Variants in EBF2 observed in about 807,000 individuals in gnomAD.
EBF2 encodes the protein transcription factor COE2.
In EBF2, 21 loss-of-function variants were observed where a neutral mutation model predicts 72.8. The ratio of observed to expected loss-of-function variants is 0.29; its 90% CI spans 0.20 to 0.42. EBF2 has a LOEUF of 0.42. Among genes scored for constraint, EBF2 ranks in the 10% least tolerant of loss-of-function variants. EBF2 has a pLI of 1.00. For synonymous variants in EBF2, 299 were observed against 274.2 expected (o/e 1.09, Z -0.89); for missense variants, 637 against 731.2 (o/e 0.87, Z 1.49).
At chr8:26,035,526 A>T (rs980038188) in intron 5 of EBF2, among the ~76,000 whole-genome samples, 1 of 152,170 alleles carries the variant, frequency 6.6e-6, no homozygotes, top group African/African-American at 2.4e-5. Context: ...AAACAAATAA[A>T]TATCTTAAAA....
chr8:25,908,512 T>C lies in EBF2; in HGVS notation c.595A>G (p.Lys199Glu). 1 of 1,613,884 alleles carries C rather than the reference T, an allele frequency of 6.2e-7. No individual in the cohort carries two copies. Among genetic ancestry groups the C allele is most frequent in the Non-Finnish European group, 8.5e-7 (1 of 1,179,784 alleles). ...ATGTCCCTTGGGTTTCCTGCTGTTT[T>C]CAAACAATTCTGATTGCACTTGAGG... ...FFLKCNQNCLKTAGNPRDMRR... is the reference protein window; with the variant it reads ...FFLKCNQNCLETAGNPRDMRR... Residue 199 changes from lysine (K) to glutamate (E), a missense_variant, in exon 7 of 16, where the codon AAA becomes GAA. This residue lies in a region of EBF2 where 204 missense variants were observed against 301.2 expected (regional missense o/e 0.68). Transcript: ENST00000520164.
chr8:26,037,157 G>C (rs1805516710), intron 5 of EBF2, among the ~76,000 whole-genome samples: 1 of 152,052 alleles, frequency 6.6e-6, no homozygotes, highest in Non-Finnish European at 1.5e-5. Context: ...GAAGGAGAGA[G>C]AAAAAATAAA....
At chr8:25,959,176 G>C (rs1384172256) in intron 6 of EBF2, among the ~76,000 whole-genome samples, 1 of 152,178 alleles carries the variant, frequency 6.6e-6, no homozygotes, top group Non-Finnish European at 1.5e-5. Flanking sequence ...ACATAAGGTT[G>C]TTTTTCTGGC....
At chr8:25,852,038 A>G (rs1585257417) in intron 14 of EBF2, among the ~76,000 whole-genome samples, 1 of 152,346 alleles carries the variant, frequency 6.6e-6, no homozygotes, top group East Asian at 1.9e-4. Context: ...AGCTTTCTCT[A>G]AAAACATCTT....
At chr8:25,978,003 C>A (rs747822920) in intron 6 of EBF2, among the ~76,000 whole-genome samples, 19 of 152,196 alleles carry the variant, frequency 1.2e-4, no homozygotes, top group Non-Finnish European at 2.5e-4. Context: ...CCCGTTGTCA[C>A]TTTGAAGAGG....
chr8:25,902,812 GA>G (rs1802977042), intron 7 of EBF2, among the ~76,000 whole-genome samples: 1 of 152,202 alleles, frequency 6.6e-6, no homozygotes, highest in African/African-American at 2.4e-5. Context: ...CTTAAAGCAT[GA>G]AAAGGAGTCA....
At chr8:25,860,607 A>G (rs1234205532) in intron 13 of EBF2, among the ~76,000 whole-genome samples, 1 of 151,480 alleles carries the variant, frequency 6.6e-6, no homozygotes, top group Non-Finnish European at 1.5e-5. Flanking sequence ...TGCTCACTGC[A>G]GCCTCGACTT....
At chr8:25,992,290 C>T (rs554597298) in intron 6 of EBF2, among the ~76,000 whole-genome samples, 106 of 140,702 alleles carry the variant, frequency 7.5e-4, no homozygotes, top group African/African-American at 2.4e-3. Flanking sequence ...GCCACGATCG[C>T]GCCATTGCAC....
At chr8:25,916,641 G>GA (rs200970370) in intron 6 of EBF2, among the ~76,000 whole-genome samples, 244 of 150,358 alleles carry the variant, frequency 1.6e-3, no homozygotes, top group African/African-American at 5.3e-3. Context: ...GATAGTAAAA[G>GA]AAAAAAAAAC....
intron 6 of EBF2, among the ~76,000 whole-genome samples, chr8:25,968,355 A>C (rs1804144327): frequency 6.6e-6 from 1 of 152,232 alleles, no homozygotes; most frequent in South Asian, 2.1e-4. Flanking sequence ...TTCAGCCTTA[A>C]AAATGAAGGA....
chr8:25,897,474 C>A (rs1216214394), intron 7 of EBF2, among the ~76,000 whole-genome samples: 2 of 152,020 alleles, frequency 1.3e-5, no homozygotes, highest in Admixed American at 6.6e-5. Flanking sequence ...AGGTAGTGAG[C>A]ATAATTCCTA....
Position 26,044,668 on chromosome 8 carries a change from C to T in EBF2, c.131+61G>A. ...GCACGGGGTGCGCGGGGGGGGTGCACACGGAGAGACAGACCGTAAGAGCGA... is the reference window on the plus strand; with the variant it reads ...GCACGGGGTGCGCGGGGGGGGTGCATACGGAGAGACAGACCGTAAGAGCGA... On this transcript the variant is annotated intron_variant, in intron 1 of 15. Coordinates refer to ENST00000520164, the MANE Select transcript of EBF2 (RefSeq NM_022659.4). This position sits in a 1 kb window ranked among gnomAD's most constrained non-coding sequence, Gnocchi z 4.1. 1 of 1,569,344 alleles carries T rather than the reference C, an allele frequency of 6.4e-7. No homozygotes were observed. The highest frequency in any genetic ancestry group is 1.4e-5 in the African/African-American group (1 of 73,968).
chr8:25,899,235 AC>A lies in EBF2; in HGVS notation c.633+9238del, dbSNP rs1258929911. Reference sequence around the variant, plus strand: ...TAAGAGAAAGATCCTCCGACCCTCCACAGTTTTTTTTTTTTTTTCTGACTCC... The same window carrying A: ...TAAGAGAAAGATCCTCCGACCCTCCAAGTTTTTTTTTTTTTTTCTGACTCC... On this transcript the variant is annotated intron_variant, in intron 7 of 15. Transcript: ENST00000520164. 7.4e-5 allele frequency among the ~76,000 whole-genome samples: 11 copies of A among 148,388 alleles called. No homozygotes were observed. The East Asian group carries it at 2.2e-3, about 30-fold the overall frequency.
chr8:25,906,570 C>T (rs201636123), intron 7 of EBF2, among the ~76,000 whole-genome samples: 1 of 152,182 alleles, frequency 6.6e-6, no homozygotes, highest in East Asian at 1.9e-4. Flanking sequence ...AGTTTCAGAC[C>T]AGCCTGGCCA....
chr8:25,906,965 T>G (rs1050194944), intron 7 of EBF2, among the ~76,000 whole-genome samples: 3 of 151,958 alleles, frequency 2.0e-5, no homozygotes, highest in Non-Finnish European at 2.9e-5. Flanking sequence ...TCAAAGTAAC[T>G]CTCAGTAGCC....
At chr8:25,934,067 T>C (rs1049780123) in intron 6 of EBF2, among the ~76,000 whole-genome samples, 2 of 152,172 alleles carry the variant, frequency 1.3e-5, no homozygotes, top group African/African-American at 2.4e-5. Flanking sequence ...AAAGTCTGCA[T>C]TCCTGAATGG....
chr8:26,040,866 T>TGC, intron 3 of EBF2, 73 bp downstream of exon 3: 1 of 1,598,650 alleles, frequency 6.3e-7, no homozygotes. Context: ...AGAGTGATCA[T>TGC]GGCAAGGTCA....
intron 10 of EBF2, among the ~76,000 whole-genome samples, chr8:25,865,897 T>C (rs899514859): frequency 1.3e-5 from 2 of 151,686 alleles, no homozygotes; most frequent in African/African-American, 4.8e-5. Context: ...TGGTGGCGGG[T>C]GCCTGTAGTC....
intron 6 of EBF2, among the ~76,000 whole-genome samples, chr8:25,954,264 G>A (rs1013240676): frequency 6.6e-6 from 1 of 152,168 alleles, no homozygotes; most frequent in African/African-American, 2.4e-5. Flanking sequence ...TGCTTTCCTG[G>A]AGCCTCCATT....
Sources: gnomAD v4.1 joint callset for allele counts (sites outside exome capture counted in the v4.1 genomes callset) on GRCh38, gnomAD v4.1.1 for gene constraint, gnomAD v4.1.1 regional missense constraint, Gnocchi (gnomAD v3.1) non-coding constraint, MANE v1.5 for transcripts, NCBI Gene and HGNC (gene_info 2026-07-23, HGNC 2026-07-21) for gene names.